Variants in GALNT13 observed in about 807,000 individuals in gnomAD.
The protein encoded by GALNT13 is UDP-GalNAc:polypeptide N-acetylgalactosaminyltransferase 13.
GALNT13 carries 28 observed loss-of-function variants against 64.2 expected under a neutral mutation model. The observed-to-expected ratio is 0.44, with a 90% CI of 0.32 to 0.60. The LOEUF (loss-of-function observed/expected upper bound fraction) is 0.60. GALNT13 is among the 20% of genes least tolerant of loss of function. The pLI is 0.05. For missense variants in GALNT13, 577 were observed against 669.8 expected (o/e 0.86, Z 1.53); for synonymous variants, 214 against 224.6 (o/e 0.95, Z 0.42).
chr2:153,164,950 C>T, the GALNT13 span, among the ~76,000 whole-genome samples: 1 of 152,204 alleles, frequency 6.6e-6, no homozygotes, highest in Non-Finnish European at 1.5e-5. Flanking sequence ...ATGGCCAATA[C>T]AGTACTTTCA....
intron 3 of GALNT13, among the ~76,000 whole-genome samples, chr2:153,988,748 T>A (rs1694975166): frequency 6.6e-6 from 1 of 151,960 alleles, no homozygotes; most frequent in Non-Finnish European, 1.5e-5. Context: ...TTTAAGAGGA[T>A]GATGAGGATC....
chr2:153,203,770 CACTT>C, the GALNT13 span, among the ~76,000 whole-genome samples: 2 of 152,130 alleles, frequency 1.3e-5, no homozygotes, highest in Non-Finnish European at 2.9e-5. Flanking sequence ...GGTAAAATCT[CACTT>C]ACAGATATAT....
chr2:153,972,631 G>A (rs1204310921), intron 3 of GALNT13, among the ~76,000 whole-genome samples: 3 of 151,878 alleles, frequency 2.0e-5, no homozygotes, highest in Non-Finnish European at 4.4e-5. Context: ...GTCATAATAT[G>A]TGCATGTAAC....
the GALNT13 span, among the ~76,000 whole-genome samples, chr2:153,221,078 C>CCCT: frequency 2.0e-5 from 3 of 152,214 alleles, no homozygotes; most frequent in African/African-American, 7.2e-5. Flanking sequence ...GTACAACCAA[C>CCCT]TCCCATGACA....
chr2:153,771,817 C>T, the GALNT13 span, among the ~76,000 whole-genome samples: 1 of 152,066 alleles, frequency 6.6e-6, no homozygotes, highest in Non-Finnish European at 1.5e-5. Context: ...ATCCAAATGC[C>T]TGGGAATATG....
chr2:154,245,239 G>A (rs984169289), intron 6 of GALNT13, among the ~76,000 whole-genome samples: 9 of 152,160 alleles, frequency 5.9e-5, no homozygotes, highest in Middle Eastern at 3.4e-3. Flanking sequence ...ATTTTACTCA[G>A]AAATGGTCAT....
At chr2:153,999,270 CT>C (rs35266639) in intron 3 of GALNT13, among the ~76,000 whole-genome samples, 29,657 of 141,258 alleles carry the variant, frequency 0.21, 3,692 homozygotes, top group Middle Eastern at 0.35. Flanking sequence ...TATGAACTTC[CT>C]TTTTTTTTTT....
chr2:153,163,685 A>G, the GALNT13 span, among the ~76,000 whole-genome samples: 52 of 152,164 alleles, frequency 3.4e-4, no homozygotes, highest in African/African-American at 1.2e-3. Flanking sequence ...CTGAGTGGGA[A>G]CTGTCCTATC....
At chr2:153,895,862 T>TC (rs777927366) in intron 1 of GALNT13, among the ~76,000 whole-genome samples, 24 of 151,638 alleles carry the variant, frequency 1.6e-4, no homozygotes, top group Non-Finnish European at 2.9e-4. Flanking sequence ...GATGATAATT[T>TC]ATATTCAGAA....
intron 7 of GALNT13, among the ~76,000 whole-genome samples, chr2:154,252,895 T>G (rs1690164352): frequency 6.6e-6 from 1 of 152,134 alleles, no homozygotes; most frequent in Non-Finnish European, 1.5e-5. Context: ...ACAAGGGACT[T>G]AAACACATTG....
chr2:154,200,593 G>T (rs1573863871), intron 4 of GALNT13, among the ~76,000 whole-genome samples: 1 of 152,282 alleles, frequency 6.6e-6, no homozygotes, highest in Non-Finnish European at 1.5e-5. Flanking sequence ...ATGGCAGCTT[G>T]TTGCTGCATT....
chr2:153,154,320 G>A, the GALNT13 span, among the ~76,000 whole-genome samples: 5 of 152,128 alleles, frequency 3.3e-5, no homozygotes, highest in Admixed American at 1.3e-4. Context: ...CGTAAGACGT[G>A]CCTTTGCTCT....
At chr2:153,416,229 T>G in the GALNT13 span, among the ~76,000 whole-genome samples, 2 of 152,204 alleles carry the variant, frequency 1.3e-5, no homozygotes, top group African/African-American at 4.8e-5. Flanking sequence ...AAAAAGGCAA[T>G]GTCCAAAGCC....
chr2:153,078,788 A>G, the GALNT13 span, among the ~76,000 whole-genome samples: 2 of 152,050 alleles, frequency 1.3e-5, no homozygotes, highest in Non-Finnish European at 2.9e-5. Flanking sequence ...ATCACTTCTT[A>G]TTTTATTGAG....
At chr2:154,070,499 A>G (rs536810464) in intron 3 of GALNT13, among the ~76,000 whole-genome samples, 6 of 152,276 alleles carry the variant, frequency 3.9e-5, no homozygotes, top group Non-Finnish European at 7.4e-5. Context: ...TTAGTGAAGA[A>G]CAGAAGAGAT....
intron 4 of GALNT13, among the ~76,000 whole-genome samples, chr2:154,233,354 G>A (rs77805530): frequency 0.023 from 3,550 of 152,174 alleles, 121 homozygotes; most frequent in African/African-American, 0.073. Context: ...AGTTCTGGAG[G>A]TTAATTGATA....
intron 3 of GALNT13, among the ~76,000 whole-genome samples, chr2:153,964,493 T>A (rs1001698254): frequency 2.0e-5 from 3 of 152,100 alleles, no homozygotes; most frequent in Non-Finnish European, 4.4e-5. Context: ...CTCAGTACTC[T>A]CTTGTACATT....
the GALNT13 span, among the ~76,000 whole-genome samples, chr2:153,086,472 A>ATGG: frequency 9.8e-3 from 1,492 of 152,136 alleles, 12 homozygotes; most frequent in Non-Finnish European, 0.016. Context: ...TACTGTTCTC[A>ATGG]TGGTGGTGAA....
chr2:154,293,240 T>A (rs1411938872), intron 8 of GALNT13, among the ~76,000 whole-genome samples: 1 of 152,172 alleles, frequency 6.6e-6, no homozygotes, highest in Non-Finnish European at 1.5e-5. Flanking sequence ...TTTATTCAGC[T>A]TATACAGTTT....
Sources: gnomAD v4.1 joint callset for allele counts (sites outside exome capture counted in the v4.1 genomes callset) on GRCh38, gnomAD v4.1.1 for gene constraint, MANE v1.5 for transcripts, NCBI Gene and HGNC (gene_info 2026-07-23, HGNC 2026-07-21) for gene names.